Variants in RYR1 observed in about 807,000 individuals in gnomAD.
RYR1 encodes central core disease of muscle.
In RYR1, 342 loss-of-function variants were observed where a neutral mutation model predicts 583.5. The ratio of observed to expected loss-of-function variants is 0.59; its 90% confidence interval spans 0.54 to 0.64. RYR1 has a LOEUF of 0.64. RYR1 is among the 30% of genes least tolerant of loss of function. RYR1 has a pLI of 0.00. For missense variants in RYR1, 6,032 were observed against 6,917.2 expected (o/e 0.87, Z 4.54); for synonymous variants, 2,791 against 2,822.5 (o/e 0.99, Z 0.35).
Position 38,527,739 on chromosome 19 carries a change from G to C in RYR1, c.10779G>C (p.Val3593=). The C allele has an allele frequency of 1.9e-6, 3 of 1,614,072 alleles. No individual in the cohort carries two copies. The highest frequency in any genetic ancestry group is 2.5e-6 in the Non-Finnish European group (3 of 1,180,008). ...EEDADDPEKI[V]RRVQEVSAVL... is the part of the protein sequence containing the mutation. Reference sequence around the variant, plus strand: ...ACGCCGATGACCCCGAGAAAATCGTGCGCAGAGTCCAGGAAGTGTCAGCCG... The same window carrying C: ...ACGCCGATGACCCCGAGAAAATCGTCCGCAGAGTCCAGGAAGTGTCAGCCG... Residue 3593 remains valine, a synonymous_variant, in exon 73 of 106, where the codon GTG becomes GTC. Coordinates refer to ENST00000359596, the MANE Select transcript of RYR1 (RefSeq NM_000540.3).
In RYR1 at chr19:38,565,593, G is replaced by T. The variant is rs1973375667; in HGVS notation, c.13259G>T (p.Gly4420Val). The T allele has an allele frequency of 6.8e-7, 1 of 1,461,492 alleles. No homozygotes were observed. The highest frequency in any genetic ancestry group is 2.4e-5 in the Admixed American group (1 of 40,994). The allele number at this position is 1,461,492 out of a possible 1,614,324, so 90.5% of individuals were successfully genotyped here. ...EGAGDAAEGA[G>V]DEEEAVHEAG... The stretch of plus-strand genomic sequence containing the variant: ...GCTGGAGACGCCGCGGAGGGCGCTG[G>T]AGACGAGGAGGAGGCGGTGCACGAG... The change falls in exon 91 of 106, where the codon GGA (glycine) becomes GTA (valine). Residue 4420 changes from glycine (G) to valine (V), a missense_variant. Gly to Val is a moderately radical substitution (Grantham distance 109, BLOSUM62 -3). Around this residue, in one of 11 missense-constraint regions of RYR1, gnomAD observed 753 missense variants for 759.6 expected, o/e 0.99. Transcript: ENST00000359596. The surrounding 1 kb of genome is among the most constrained non-coding windows in gnomAD (Gnocchi z 4.7).
Position 38,510,725 on chromosome 19 carries a change from T to C in RYR1, c.9066T>C (p.Ala3022=). 6.2e-7 allele frequency: 1 copy of C among 1,614,130 alleles called. No individual in the cohort carries two copies. The highest frequency in any genetic ancestry group is 1.1e-5 in the South Asian group (1 of 91,072). ...GCCTCTATTTCTTGTCCACTCCGGCTAAAGTGCTGGGCAGCGGTGGCCACG... is the reference window on the plus strand; with the variant it reads ...GCCTCTATTTCTTGTCCACTCCGGCCAAAGTGCTGGGCAGCGGTGGCCACG... The part of the protein sequence containing the change: ...NHCLYFLSTP[A]KVLGSGGHAS... The change falls in exon 60 of 106, where the codon GCT becomes GCC. Residue 3022 remains alanine (A), a synonymous_variant. Transcript: ENST00000359596.
chr19:38,451,878 TTCA>T lies in RYR1; in HGVS notation c.1241_1243del (p.Ile414del). 1 of 1,614,010 alleles carries T rather than the reference TTCA, an allele frequency of 6.2e-7. No homozygotes were observed. The highest frequency in any genetic ancestry group is 8.5e-7 in the Non-Finnish European group (1 of 1,179,962). On this transcript the variant is annotated inframe_deletion, in exon 12 of 106. Coordinates refer to ENST00000359596, the MANE Select transcript of RYR1 (RefSeq NM_000540.3). ...CAGCACCAATGGCCTATACAACCAGTTCATCAAGTGAGCAACCTGCCCTCCCTG... is the reference window on the plus strand; with the variant it reads ...CAGCACCAATGGCCTATACAACCAGTTCAAGTGAGCAACCTGCCCTCCCTG...
At chr19:38,502,831 C>T (rs373431862) in intron 48 of RYR1, 49 bp from the exon 49 acceptor site, 58 of 1,521,834 alleles carry the variant, frequency 3.8e-5, no homozygotes, top group African/African-American at 6.0e-5. Context: ...GCAGGGGCAG[C>T]AGAGCGGGCC....
intron 33 of RYR1, among the ~76,000 whole-genome samples, chr19:38,484,081 C>A (rs552031423): frequency 6.6e-6 from 1 of 152,052 alleles, no homozygotes; most frequent in Non-Finnish European, 1.5e-5. Flanking sequence ...AATCCCAGCA[C>A]GTTGGGAGGC....
At position 38,483,280 on chromosome 19, in the gene RYR1, C is replaced by G. The variant is rs1374877307; in HGVS notation, c.4708-10C>G. The G allele has an allele frequency of 6.4e-7, 1 of 1,561,000 alleles. No individual in the cohort carries two copies. The highest frequency in any genetic ancestry group is 1.4e-5 in the African/African-American group (1 of 73,772). ...GCCATCTTGACCCATGTGTGTCTCT[C>G]TGCCCTCAGAACATCATGCCGTTGT... On this transcript the variant is annotated splice_polypyrimidine_tract_variant and intron_variant, in intron 32 of 105. Transcript: ENST00000359596. The surrounding 1 kb of genome is among the most constrained non-coding windows in gnomAD (Gnocchi z 6.3).
intron 25 of RYR1, 153 bp downstream of exon 25, chr19:38,467,965 A>G (rs1968198783): frequency 2.9e-6 from 2 of 685,242 alleles, no homozygotes; most frequent in Admixed American, 2.2e-5. Flanking sequence ...CATTCAACCA[A>G]TGATTCATCC....
chr19:38,441,898 G>C (rs1200773434), intron 2 of RYR1, among the ~76,000 whole-genome samples: 1 of 151,886 alleles, frequency 6.6e-6, no homozygotes, highest in Non-Finnish European at 1.5e-5. Flanking sequence ...GCAGGAGCGA[G>C]GACTGTGTGA....
At position 38,512,588 on chromosome 19, in the gene RYR1, T is replaced by C; in HGVS notation, c.9472+105T>C. 1 of 1,118,342 alleles carries C rather than the reference T, an allele frequency of 8.9e-7. No homozygotes were observed. Among genetic ancestry groups the C allele is most frequent in the Non-Finnish European group, 1.3e-6 (1 of 746,176 alleles). The allele number at this position is 1,118,342 out of a possible 1,614,324, so 69.3% of individuals were successfully genotyped here. ...CTGGGTGTTTGAATGTGTGGATTTC[T>C]TGCTGTAAGCAAAGCATGCAGTCAG... On this transcript the variant is annotated intron_variant, in intron 63 of 105. Coordinates refer to ENST00000359596, the MANE Select transcript of RYR1 (RefSeq NM_000540.3). This position sits in a 1 kb window ranked among gnomAD's most constrained non-coding sequence, Gnocchi z 5.1.
In RYR1 at chr19:38,485,743, C is replaced by G; in HGVS notation, c.5088C>G (p.Ala1696=). The G allele has an allele frequency of 6.2e-7, 1 of 1,612,926 alleles. No homozygotes were observed. Among genetic ancestry groups the G allele is most frequent in the Non-Finnish European group, 8.5e-7 (1 of 1,179,962 alleles). ...TAGACCAAGCTCAGCTGCTGCACGC[C>G]CTGGAGGACGCGCACCTGCCAGGCC... ...SHVDQAQLLH[A]LEDAHLPGPL... Residue 1696 remains alanine (A), a synonymous_variant, in exon 34 of 106, where the codon GCC becomes GCG. Coordinates refer to ENST00000359596, the MANE Select transcript of RYR1 (RefSeq NM_000540.3).
At chr19:38,493,094 A>C (rs995581331) in intron 38 of RYR1, among the ~76,000 whole-genome samples, 2 of 151,872 alleles carry the variant, frequency 1.3e-5, no homozygotes, top group African/African-American at 4.8e-5. Flanking sequence ...ACAAAGATGC[A>C]TGCTGGAGGT....
intron 29 of RYR1, among the ~76,000 whole-genome samples, chr19:38,475,946 C>T (rs1335930859): frequency 7.9e-5 from 12 of 152,326 alleles, no homozygotes; most frequent in Admixed American, 6.5e-5. Flanking sequence ...ACAGTTTTTC[C>T]GTGGACCACG....
At position 38,515,064 on chromosome 19, in the gene RYR1, A is replaced by G; in HGVS notation, c.9511A>G (p.Ser3171Gly). 1 of 1,578,952 alleles carries G rather than the reference A, an allele frequency of 6.3e-7. No homozygotes were observed. Among genetic ancestry groups the G allele is most frequent in the Non-Finnish European group, 8.6e-7 (1 of 1,157,984 alleles). Residue 3171 changes from serine to glycine, a missense_variant, in exon 64 of 106, where the codon AGT (serine) becomes GGT (glycine). Ser to Gly is a moderately conservative substitution (Grantham distance 56). Transcript: ENST00000359596. ...VQVSCYRTLC[S>G]IYSLGTTKNT... ...GGTCTCTTGCTACCGAACGCTGTGC[A>G]GTATCTACTCCCTGGGAACCACCAA... is the stretch of plus-strand genomic sequence containing the variant.
chr19:38,489,065 CA>C (rs1969430234), intron 34 of RYR1, 111 bp from the exon 35 acceptor site: 4 of 949,786 alleles, frequency 4.2e-6, no homozygotes, highest in Non-Finnish European at 5.1e-6. Context: ...TCGGATCAGC[CA>C]ATGCAGGAAT....
At chr19:38,567,118 G>C (rs964757144) in intron 92 of RYR1, 131 bp downstream of exon 92, 11 of 1,435,086 alleles carry the variant, frequency 7.7e-6, no homozygotes, top group Non-Finnish European at 1.0e-5. Context: ...CCCAGACTCA[G>C]GCACGGAGGA....
rs372041687 is a variant in RYR1, at chr19:38,446,581, G to T, written c.725+16G>T. ...ACCAGCGCAGGTCTGGGCTGTGGAC[G>T]AGAGGGCCTGGGGTCTAGGGGTGGA... On this transcript the variant is annotated intron_variant, in intron 8 of 105. Transcript: ENST00000359596. The T allele has an allele frequency of 1.2e-6, 2 of 1,611,292 alleles. No individual in the cohort carries two copies. The highest frequency in any genetic ancestry group is 1.7e-4 in the Middle Eastern group (1 of 6,052).
rs929152132 is a variant in RYR1 at position 38,523,680 on chromosome 19, T to A, written c.10441-235T>A. The stretch of plus-strand genomic sequence containing the variant: ...ATTTTCCCCCTCTTCCATTTCTTTC[T>A]TCCTCTCCCCATTACCCCATTTCCT... On this transcript the variant is annotated intron_variant, in intron 69 of 105. Transcript: ENST00000359596. 7 of 620,642 alleles carry A rather than the reference T, an allele frequency of 1.1e-5. No homozygotes were observed. In the African/African-American group the frequency reaches 1.3e-4, roughly 11 times the overall value. The allele number at this position is 620,642 out of a possible 1,614,324, so 38.4% of individuals were successfully genotyped here. A position where few individuals can be genotyped will look rare whatever the true frequency, so the allele number is the denominator to read the frequency against.
chr19:38,558,033 G>A (rs1272105667), intron 89 of RYR1, among the ~76,000 whole-genome samples: 1 of 152,070 alleles, frequency 6.6e-6, no homozygotes, highest in African/African-American at 2.4e-5. Context: ...TACTAGCCAG[G>A]CACGATGACT....
rs118030839 is a variant in RYR1 at position 38,513,755 on chromosome 19, T to G, written c.9473-1271T>G. ...CATCTCAAAAAAAAAAAAAGAAAAT[T>G]GTTAACAATTTGCCCTGTGTGCCTA... is the stretch of plus-strand genomic sequence containing the variant. On this transcript the variant is annotated intron_variant, in intron 63 of 105. Coordinates refer to ENST00000359596, the MANE Select transcript of RYR1 (RefSeq NM_000540.3). Among the ~76,000 whole-genome samples the G allele has an allele frequency of 7.5e-3, 1,133 of 151,988 alleles. 29 individuals carry two copies. The highest frequency in any genetic ancestry group is 0.068 in the East Asian group (351 of 5,162).
Sources: gnomAD v4.1 joint callset for allele counts (sites outside exome capture counted in the v4.1 genomes callset) on GRCh38, gnomAD v4.1.1 for gene constraint, gnomAD v4.1.1 regional missense constraint, Gnocchi (gnomAD v3.1) non-coding constraint, MANE v1.5 for transcripts, NCBI Gene and HGNC (gene_info 2026-07-23, HGNC 2026-07-21) for gene names.